The following IL1RAPL1 variants were observed in gnomAD, a reference collection of about 807,000 sequenced individuals.
The protein encoded by IL1RAPL1 is interleukin-1 receptor accessory protein-like 1.
In IL1RAPL1, 3 loss-of-function variants were observed where a neutral mutation model predicts 48.4. The ratio of observed to expected loss-of-function variants is 0.06; its 90% CI spans 0.03 to 0.16. The LOEUF is 0.16. IL1RAPL1 is among the 10% of genes least tolerant of loss of function. The pLI is 1.00. For synonymous variants in IL1RAPL1, 185 were observed against 187.7 expected, an observed-to-expected ratio of 0.99 and a Z score of 0.12; for missense variants, 349 against 530.6, an observed-to-expected ratio of 0.66 and a Z score of 3.36.
chrX:28,870,039 T>C (rs943884525), intron 2 of IL1RAPL1, among the ~76,000 whole-genome samples: 5 of 111,910 alleles, frequency 4.5e-5, no homozygotes, highest in African/African-American at 1.6e-4. Flanking sequence ...ATCACTACTT[T>C]GTTCCTTTTT....
intron 5 of IL1RAPL1, among the ~76,000 whole-genome samples, chrX:29,429,523 G>T (rs1247510582): frequency 9.0e-6 from 1 of 111,426 alleles, no homozygotes; most frequent in Non-Finnish European, 1.9e-5. Flanking sequence ...TGGTCTCTCA[G>T]TTCCCTCCTT....
intron 2 of IL1RAPL1, among the ~76,000 whole-genome samples, chrX:28,885,262 G>A (rs915984359): frequency 3.6e-5 from 4 of 111,132 alleles, no homozygotes; most frequent in African/African-American, 1.3e-4. Context: ...ACTCAAAGAC[G>A]ATGAAAGGCG....
chrX:29,183,948 C>T (rs1930198653), intron 2 of IL1RAPL1, among the ~76,000 whole-genome samples: 1 of 111,784 alleles, frequency 8.9e-6, no homozygotes, highest in Non-Finnish European at 1.9e-5. Flanking sequence ...CCCTTCTCGG[C>T]CTTCCAAATT....
Position 29,955,471 on chromosome X carries a change from T to C in IL1RAPL1, c.1742T>C (p.Phe581Ser). ...TTAGATGTCAGTGAGCAAGGGCCTT[T>C]TGGGGAGCTGCAGACTGTCTCGGCC... ...QALDVSEQGPFGELQTVSAIS... is the reference protein window; with the variant it reads ...QALDVSEQGPSGELQTVSAIS... The change falls in exon 11 of 11, where the codon TTT becomes TCT. Residue 581 changes from phenylalanine (F) to serine (S), a missense_variant. This residue lies in a region of IL1RAPL1 where 46 missense variants were observed against 113.3 expected (regional missense o/e 0.41). Coordinates refer to ENST00000378993, the MANE Select transcript of IL1RAPL1 (RefSeq NM_014271.4). The C allele has an allele frequency of 8.3e-7, 1 of 1,211,496 alleles. No homozygotes were observed. The highest frequency in any genetic ancestry group is 1.1e-6 in the Non-Finnish European group (1 of 895,416).
At chrX:29,661,095 T>C (rs1225787327) in intron 5 of IL1RAPL1, among the ~76,000 whole-genome samples, 1 of 111,995 alleles carries the variant, frequency 8.9e-6, no homozygotes, top group Non-Finnish European at 1.9e-5. Flanking sequence ...TTTTGTGCTA[T>C]TGTAAAGGGG....
intron 3 of IL1RAPL1, among the ~76,000 whole-genome samples, chrX:29,377,665 T>G (rs1272888537): frequency 8.9e-6 from 1 of 112,369 alleles, no homozygotes; most frequent in African/African-American, 3.2e-5. Context: ...TTATTTTCTC[T>G]AAGAGTGCTG....
chrX:29,398,934 G>T (rs1297142897), intron 4 of IL1RAPL1, among the ~76,000 whole-genome samples: 1 of 111,927 alleles, frequency 8.9e-6, no homozygotes, highest in Non-Finnish European at 1.9e-5. Flanking sequence ...GTATTCATTG[G>T]TTCAAAAATG....
rs59658111 is a variant in IL1RAPL1 at position 29,703,338 on chromosome X, A to G, written c.778+34834A>G. Among the ~76,000 whole-genome samples, 381 of 109,889 alleles carry G rather than the reference A, an allele frequency of 3.5e-3. 1 individual carries two copies. Among genetic ancestry groups the G allele is most frequent in the African/African-American group, 0.012 (361 of 30,273 alleles). ...ATATTTTATTTTATTAATTATTTTC[A>G]TTTGTTTATTTATTTATTTTTTGAG... On this transcript the variant is annotated intron_variant, in intron 6 of 10. Coordinates refer to ENST00000378993, the MANE Select transcript of IL1RAPL1 (RefSeq NM_014271.4).
At chrX:28,685,870 A>C (rs1935104739) in intron 1 of IL1RAPL1, among the ~76,000 whole-genome samples, 1 of 112,061 alleles carries the variant, frequency 8.9e-6, no homozygotes, top group Admixed American at 9.5e-5. Flanking sequence ...ATTTTTCTGA[A>C]GTATGGCTCT....
chrX:29,076,806 A>G (rs4893558), intron 2 of IL1RAPL1, among the ~76,000 whole-genome samples: 56 of 83,906 alleles, frequency 6.7e-4, no homozygotes, highest in South Asian at 4.9e-3. Context: ...CTGTCTGTCT[A>G]TCTATCTATC....
chrX:29,650,792 TAAG>T (rs1925493679), intron 5 of IL1RAPL1, among the ~76,000 whole-genome samples: 1 of 110,167 alleles, frequency 9.1e-6, no homozygotes. Context: ...TTTATCAAAC[TAAG>T]AAGCTTCTGC....
At chrX:28,772,052 G>A (rs1382985441) in intron 1 of IL1RAPL1, among the ~76,000 whole-genome samples, 5 of 111,028 alleles carry the variant, frequency 4.5e-5, no homozygotes, top group African/African-American at 6.5e-5. Context: ...AAAAACAGTG[G>A]TTTCACTGTT....
At chrX:28,727,896 A>C (rs908856602) in intron 1 of IL1RAPL1, among the ~76,000 whole-genome samples, 27 of 108,324 alleles carry the variant, frequency 2.5e-4, no homozygotes, top group Non-Finnish European at 5.2e-4. Flanking sequence ...CAGGAAGGGG[A>C]ACATCACACT....
intron 3 of IL1RAPL1, among the ~76,000 whole-genome samples, chrX:29,382,601 C>A (rs1488437122): frequency 8.9e-6 from 1 of 112,138 alleles, no homozygotes; most frequent in Non-Finnish European, 1.9e-5. Context: ...GTTCTAGAAT[C>A]CCCTTGGTGT....
intron 8 of IL1RAPL1, among the ~76,000 whole-genome samples, chrX:29,939,034 T>TTC (rs1293257786): frequency 8.9e-6 from 1 of 112,454 alleles, no homozygotes; most frequent in Admixed American, 9.4e-5. Context: ...AATAAGACTA[T>TTC]TCTGAGCATT....
intron 2 of IL1RAPL1, among the ~76,000 whole-genome samples, chrX:28,795,299 A>G (rs1489514928): frequency 8.9e-6 from 1 of 111,755 alleles, no homozygotes; most frequent in Non-Finnish European, 1.9e-5. Context: ...ATAAAAATGG[A>G]ACTTGCACCT....
At chrX:28,977,762 G>A (rs1030273098) in intron 2 of IL1RAPL1, among the ~76,000 whole-genome samples, 2 of 112,405 alleles carry the variant, frequency 1.8e-5, no homozygotes, top group East Asian at 5.6e-4. Context: ...TTCAAGGCCA[G>A]CCTGGCCAAC....
chrX:29,467,927 C>T (rs1934881483), intron 5 of IL1RAPL1, among the ~76,000 whole-genome samples: 1 of 111,401 alleles, frequency 9.0e-6, no homozygotes, highest in Non-Finnish European at 1.9e-5. Context: ...GTGGCACAAC[C>T]TCCGCTCACT....
intron 2 of IL1RAPL1, among the ~76,000 whole-genome samples, chrX:28,847,671 G>C (rs113849477): frequency 1.3e-4 from 14 of 110,815 alleles, no homozygotes; most frequent in African/African-American, 4.3e-4. Flanking sequence ...TTTTGCCTGG[G>C]ATGCTTTCCA....
Sources: allele counts gnomAD v4.1 joint callset (sites outside exome capture counted in the v4.1 genomes callset), GRCh38; gene constraint gnomAD v4.1.1; regional missense constraint gnomAD v4.1.1; transcripts MANE v1.5; gene names NCBI Gene and HGNC (gene_info 2026-07-23, HGNC 2026-07-21).